RASAL2: variants seen among roughly 807,000 people sequenced by gnomAD.
RASAL2 encodes the protein ras GTPase-activating protein nGAP.
RASAL2 carries 58 observed loss-of-function variants against 128.9 expected under a neutral mutation model. The observed-to-expected ratio is 0.45, with a 90% CI of 0.36 to 0.56. RASAL2 has a LOEUF of 0.56. RASAL2 is among the 20% of genes least tolerant of loss of function. The pLI is 0.00. For synonymous variants in RASAL2, 561 were observed against 580.8 expected (o/e 0.97, Z 0.49); for missense variants, 1,360 against 1,601.6 (o/e 0.85, Z 2.57).
chr1:178,248,739 G>A (rs1279889310), intron 1 of RASAL2, among the ~76,000 whole-genome samples: 3 of 152,094 alleles, frequency 2.0e-5, no homozygotes, highest in African/African-American at 7.2e-5. Context: ...GCCTTGTGGT[G>A]ACAAAATTTC....
chr1:178,142,178 G>A (rs1271130256), intron 1 of RASAL2, among the ~76,000 whole-genome samples: 2 of 152,108 alleles, frequency 1.3e-5, no homozygotes. Flanking sequence ...TGGATTTTTG[G>A]GTTCCTTTGG....
intron 1 of RASAL2, among the ~76,000 whole-genome samples, chr1:178,095,788 CT>C (rs1368981266): frequency 2.6e-5 from 4 of 152,114 alleles, no homozygotes; most frequent in Non-Finnish European, 4.4e-5. Flanking sequence ...GTCCAGAGAT[CT>C]CAGTTCTTGT....
intron 3 of RASAL2, among the ~76,000 whole-genome samples, chr1:178,349,149 C>T (rs887449220): frequency 3.3e-5 from 5 of 150,038 alleles, no homozygotes; most frequent in African/African-American, 7.4e-5. Context: ...GGCCGGACGC[C>T]GTGGCTCACG....
intron 1 of RASAL2, among the ~76,000 whole-genome samples, chr1:178,265,244 G>C (rs981291785): frequency 6.6e-6 from 1 of 151,974 alleles, no homozygotes; most frequent in East Asian, 1.9e-4. Context: ...CCCTCCTTTT[G>C]TTGTTGTTGT....
intron 1 of RASAL2, among the ~76,000 whole-genome samples, chr1:178,270,112 T>G (rs1666176514): frequency 6.6e-6 from 1 of 152,222 alleles, no homozygotes; most frequent in Non-Finnish European, 1.5e-5. Context: ...TCTTCCAAAT[T>G]CCTGTGTTGC....
intron 2 of RASAL2, among the ~76,000 whole-genome samples, chr1:178,299,109 T>C (rs1183542174): frequency 6.6e-6 from 1 of 152,142 alleles, no homozygotes; most frequent in East Asian, 1.9e-4. Context: ...AAATGTTTAT[T>C]AGGATTATAA....
chr1:178,137,498 T>G (rs1469941105), intron 1 of RASAL2, among the ~76,000 whole-genome samples: 3 of 152,208 alleles, frequency 2.0e-5, no homozygotes, highest in African/African-American at 7.2e-5. Flanking sequence ...AAGCAGATTT[T>G]CTGGAACATT....
chr1:178,258,961 G>A (rs554328493), intron 1 of RASAL2, among the ~76,000 whole-genome samples: 2 of 151,958 alleles, frequency 1.3e-5, no homozygotes, highest in Admixed American at 6.6e-5. Flanking sequence ...TTCTAAACAC[G>A]AATCTTGATT....
intron 3 of RASAL2, among the ~76,000 whole-genome samples, chr1:178,354,028 A>G (rs1670662083): frequency 6.6e-6 from 1 of 152,128 alleles, no homozygotes. Context: ...TCAGTAAAAG[A>G]GACTACACAC....
At chr1:178,352,186 A>G (rs1038113684) in intron 3 of RASAL2, among the ~76,000 whole-genome samples, 1 of 152,224 alleles carries the variant, frequency 6.6e-6, no homozygotes, top group African/African-American at 2.4e-5. Flanking sequence ...TGTAAGTGGA[A>G]ATACCACTAC....
At chr1:178,443,834 C>T (rs1175860921) in intron 8 of RASAL2, among the ~76,000 whole-genome samples, 2 of 152,102 alleles carry the variant, frequency 1.3e-5, no homozygotes, top group Middle Eastern at 3.2e-3. Context: ...AGAACAAAAA[C>T]TAGTTGAGAG....
At chr1:178,281,237 A>AC (rs1455974699) in intron 1 of RASAL2, among the ~76,000 whole-genome samples, 6 of 151,896 alleles carry the variant, frequency 4.0e-5, no homozygotes, top group Non-Finnish European at 8.8e-5. Flanking sequence ...AGACAGACAT[A>AC]ATTTTTTTTT....
intron 4 of RASAL2, among the ~76,000 whole-genome samples, chr1:178,419,970 T>C (rs937312709): frequency 3.3e-5 from 5 of 152,254 alleles, no homozygotes; most frequent in Non-Finnish European, 7.3e-5. Flanking sequence ...CAATACATTA[T>C]ATTTTACAAC....
chr1:178,119,634 G>A (rs886452431), intron 1 of RASAL2, among the ~76,000 whole-genome samples: 3 of 152,166 alleles, frequency 2.0e-5, no homozygotes, highest in Non-Finnish European at 2.9e-5. Context: ...ATTCAAAGAC[G>A]TGAATAGTTC....
chr1:178,226,214 G>A (rs1007025831), intron 1 of RASAL2, among the ~76,000 whole-genome samples: 1 of 152,118 alleles, frequency 6.6e-6, no homozygotes, highest in African/African-American at 2.4e-5. Context: ...TCCTAGTATA[G>A]TAATTCATTC....
At chr1:178,412,984 T>TTTTC (rs1242412130) in intron 4 of RASAL2, among the ~76,000 whole-genome samples, 1 of 151,730 alleles carries the variant, frequency 6.6e-6, no homozygotes, top group Non-Finnish European at 1.5e-5. Flanking sequence ...CTTTCTTTCT[T>TTTTC]TTTCTTTCTT....
intron 3 of RASAL2, among the ~76,000 whole-genome samples, chr1:178,382,875 A>C (rs901950292): frequency 3.3e-5 from 5 of 152,158 alleles, no homozygotes; most frequent in Non-Finnish European, 5.9e-5. Context: ...CGTGTTTTCT[A>C]TCTGAAACTT....
At chr1:178,350,344 CCGAGTAGCTGGAACTACAACTG>C (rs1670396931) in intron 3 of RASAL2, among the ~76,000 whole-genome samples, 1 of 152,214 alleles carries the variant, frequency 6.6e-6, no homozygotes, top group Non-Finnish European at 1.5e-5. Flanking sequence ...CCTCAGCCCC[CCGAGTAGCTGGAACTACAACTG>C]CGTGTCACCA....
intron 1 of RASAL2, among the ~76,000 whole-genome samples, chr1:178,210,178 A>G (rs892349321): frequency 1.3e-5 from 2 of 151,512 alleles, no homozygotes; most frequent in East Asian, 1.9e-4. Context: ...ATGGTTTTTC[A>G]TAGTTCTAGG....
Sources: allele counts gnomAD v4.1 joint callset (sites outside exome capture counted in the v4.1 genomes callset), GRCh38; gene constraint gnomAD v4.1.1; transcripts MANE v1.5; gene names NCBI Gene and HGNC (gene_info 2026-07-23, HGNC 2026-07-21).